The following ATP1A1 variants were observed in gnomAD, a reference collection of about 807,000 sequenced individuals.
ATP1A1 encodes sodium/potassium-transporting ATPase subunit alpha-1.
ATP1A1 carries 14 observed loss-of-function variants against 114.8 expected under a neutral mutation model. That is an observed-to-expected ratio of 0.12 (90% CI 0.08 to 0.19). The LOEUF (loss-of-function observed/expected upper bound fraction) is 0.19, where lower values mean the gene tolerates loss of function less well. Ranked by LOEUF, ATP1A1 falls within the 10% of genes least tolerant of loss-of-function variation. ATP1A1 has a pLI of 1.00. For missense variants in ATP1A1, 524 were observed against 1,290.7 expected (o/e 0.41, Z 9.10); for synonymous variants, 471 against 466.3 (o/e 1.01, Z -0.13).
intron 12 of ATP1A1, among the ~76,000 whole-genome samples, chr1:116,394,365 T>C (rs774790364): frequency 1.3e-5 from 2 of 152,218 alleles, no homozygotes; most frequent in Non-Finnish European, 2.9e-5. Flanking sequence ...CCTATTCTTC[T>C]TAACTTGGGT....
In ATP1A1 at chr1:116,399,498, A is replaced by T. The variant is rs1342249879; in HGVS notation, c.2527A>T (p.Lys843Ter). The change falls in exon 18 of 23, where the codon AAA becomes TAA. Residue 843 changes from lysine to a stop codon, truncating the protein, a stop_gained. Transcript: ENST00000295598. LOFTEE classifies it high-confidence loss of function. The surrounding 1 kb of genome is among the most constrained non-coding windows in gnomAD (Gnocchi z 5.0). ...KRQPRNPKTD[K>*]LVNERLISMA... ...ACAGCCCAGAAATCCCAAAACAGAC[A>T]AACTTGTGAATGAGCGGCTGATCAG... The T allele has an allele frequency of 6.2e-7, 1 of 1,614,132 alleles. No individual in the cohort carries two copies. The highest frequency in any genetic ancestry group is 1.7e-5 in the Admixed American group (1 of 60,010).
In ATP1A1 at chr1:116,389,821, A is replaced by G; in HGVS notation, c.1023+114A>G. The G allele has an allele frequency of 7.0e-7, 1 of 1,430,472 alleles. No individual in the cohort carries two copies. The highest frequency in any genetic ancestry group is 9.4e-7 in the Non-Finnish European group (1 of 1,067,452). 88.6% of individuals were successfully genotyped at this position (1,430,472 alleles called of 1,614,324 possible). ...TTATGTTTTATTCTGGATGTTTGATATAGTTCTTCTTGAGAGCCACATCAC... is the reference window on the plus strand; with the variant it reads ...TTATGTTTTATTCTGGATGTTTGATGTAGTTCTTCTTGAGAGCCACATCAC... On this transcript the variant is annotated intron_variant, in intron 8 of 22. Transcript: ENST00000295598. The surrounding 1 kb of genome is among the most constrained non-coding windows in gnomAD (Gnocchi z 6.9).
intron 1 of ATP1A1, among the ~76,000 whole-genome samples, chr1:116,378,135 T>A (rs567426505): frequency 2.2e-4 from 33 of 152,236 alleles, no homozygotes; most frequent in Non-Finnish European, 4.6e-4. Flanking sequence ...TCTTCATATT[T>A]ATTTTGTGTT....
At position 116,398,904 on chromosome 1, in the gene ATP1A1, A is replaced by G. The variant is rs759572400; in HGVS notation, c.2294-26A>G. Reference sequence around the variant, plus strand: ...TCCAGTGTGCTTGTCTCATAAGCTAACAGTAAAAAATCTTGGTTTTCATAG... The same window carrying G: ...TCCAGTGTGCTTGTCTCATAAGCTAGCAGTAAAAAATCTTGGTTTTCATAG... On this transcript the variant is annotated intron_variant, in intron 16 of 22. Transcript: ENST00000295598. The surrounding 1 kb of genome is among the most constrained non-coding windows in gnomAD (Gnocchi z 6.1). 6.2e-7 allele frequency: 1 copy of G among 1,613,800 alleles called. No individual in the cohort carries two copies. Among genetic ancestry groups the G allele is most frequent in the Admixed American group, 1.7e-5 (1 of 60,016 alleles).
In ATP1A1 at chr1:116,388,616, G is replaced by A. The variant is rs752927612; in HGVS notation, c.502-22G>A. ...TTCTCTTTGTTGGTATACTAACGGT[G>A]TAAATTGTTTCTTTTCCAAAGCAAG... On this transcript the variant is annotated intron_variant, in intron 5 of 22. Coordinates refer to ENST00000295598, the MANE Select transcript of ATP1A1 (RefSeq NM_000701.8). The surrounding 1 kb of genome is among the most constrained non-coding windows in gnomAD (Gnocchi z 5.6). 1.2e-5 allele frequency: 20 copies of A among 1,612,782 alleles called. No homozygotes were observed. The African/African-American group carries it at 1.7e-4, about 14-fold the overall frequency.
chr1:116,375,223 T>C (rs749962379), intron 1 of ATP1A1, among the ~76,000 whole-genome samples: 3 of 152,256 alleles, frequency 2.0e-5, no homozygotes, highest in Non-Finnish European at 2.9e-5. Flanking sequence ...AGTGACTTGC[T>C]CAAGGTCAAA....
chr1:116,391,258 G>A (rs563214574), intron 10 of ATP1A1, among the ~76,000 whole-genome samples: 2 of 152,224 alleles, frequency 1.3e-5, no homozygotes, highest in Non-Finnish European at 2.9e-5. Context: ...GCTGAGGGCT[G>A]CAGTGACTCC....
Position 116,384,834 on chromosome 1 carries a change from T to C in ATP1A1, c.175T>C (p.Leu59=). 1.2e-6 allele frequency: 2 copies of C among 1,613,764 alleles called. No individual in the cohort carries two copies. Among genetic ancestry groups the C allele is most frequent in the Non-Finnish European group, 1.7e-6 (2 of 1,179,812 alleles). The change falls in exon 3 of 23, where the codon TTG becomes CTG. Residue 59 remains leucine, a synonymous_variant. Transcript: ENST00000295598. This position sits in a 1 kb window ranked among gnomAD's most constrained non-coding sequence, Gnocchi z 5.1. ...ACTTCATCGTAAATATGGAACAGAC[T>C]TGAGCCGGGTATGTTCTAGTTTGAA... The part of the protein sequence containing the change: ...DELHRKYGTD[L]SRGLTSARAA...
At chr1:116,396,311 A>AT (rs1285031737) in intron 13 of ATP1A1, among the ~76,000 whole-genome samples, 1 of 130,040 alleles carries the variant, frequency 7.7e-6, no homozygotes, top group Non-Finnish European at 1.6e-5. Context: ...GGTTTTAGTA[A>AT]TTTTCAAGTA....
chr1:116,376,294 C>T (rs1370008909), intron 1 of ATP1A1, among the ~76,000 whole-genome samples: 1 of 152,188 alleles, frequency 6.6e-6, no homozygotes, highest in East Asian at 1.9e-4. Flanking sequence ...AGGGGGGATG[C>T]ACATGTCAGC....
Position 116,384,041 on chromosome 1 carries a change from G to A in ATP1A1, c.40G>A (p.Ala14Thr). ...GVGRDKYEPA[A>T]VSEQGDKKGK... The stretch of plus-strand genomic sequence containing the variant: ...TGGACGTGATAAGTATGAGCCTGCA[G>A]CTGTTTCAGAACAAGGTGATAAAAA... Residue 14 changes from alanine (A) to threonine (T), a missense_variant, in exon 2 of 23, where the codon GCT (alanine) becomes ACT (threonine). Physicochemically the swap from Ala to Thr is moderately conservative, Grantham distance 58 (BLOSUM62 0). This residue lies in a region of ATP1A1 where 33 missense variants were observed against 31.2 expected (regional missense o/e 1.06). Transcript: ENST00000295598. The surrounding 1 kb of genome is among the most constrained non-coding windows in gnomAD (Gnocchi z 5.1). 6.2e-7 allele frequency: 1 copy of A among 1,614,112 alleles called. No homozygotes were observed. The highest frequency in any genetic ancestry group is 8.5e-7 in the Non-Finnish European group (1 of 1,179,994).
At position 116,401,743 on chromosome 1, in the gene ATP1A1, C is replaced by T; in HGVS notation, c.2951+88C>T. 1 of 1,380,470 alleles carries T rather than the reference C, an allele frequency of 7.2e-7. No individual in the cohort carries two copies. The allele number at this position is 1,380,470 out of a possible 1,614,324, so 85.5% of individuals were successfully genotyped here. A position where few individuals can be genotyped will look rare whatever the true frequency, so the allele number is the denominator to read the frequency against. ...TACTTGTGGTAATAGTTGTTATTTT[C>T]AGAATTTTGAGTGGTATGTACAAAA... On this transcript the variant is annotated intron_variant, in intron 21 of 22. Transcript: ENST00000295598. This position sits in a 1 kb window ranked among gnomAD's most constrained non-coding sequence, Gnocchi z 4.7.
At chr1:116,380,065 T>G (rs1651641533) in intron 1 of ATP1A1, among the ~76,000 whole-genome samples, 1 of 152,222 alleles carries the variant, frequency 6.6e-6, no homozygotes, top group African/African-American at 2.4e-5. Flanking sequence ...TAGTCCAGTT[T>G]TTAAGGTGTT....
rs1193635431 is a variant in ATP1A1, at chr1:116,385,422, C to G, written c.183+580C>G. On this transcript the variant is annotated intron_variant, in intron 3 of 22. Transcript: ENST00000295598. The surrounding 1 kb of genome is among the most constrained non-coding windows in gnomAD (Gnocchi z 4.3). ...AACAAATGTTATAAAAGTAAATAGT[C>G]TAGGGATGTCTTATTTCCAGATAAT... is the stretch of plus-strand genomic sequence containing the variant. 6.5e-6 allele frequency: 1 copy of G among 153,610 alleles called. No individual in the cohort carries two copies. Among genetic ancestry groups the G allele is most frequent in the Non-Finnish European group, 1.4e-5 (1 of 69,194 alleles). The allele number at this position is 153,610 out of a possible 1,614,324, so 9.5% of individuals were successfully genotyped here. A position where few individuals can be genotyped will look rare whatever the true frequency, so the allele number is the denominator to read the frequency against.
rs1570987458 is a variant in ATP1A1, at chr1:116,404,448, C to T, written c.*4C>T. The T allele has an allele frequency of 6.2e-7, 1 of 1,611,670 alleles. No homozygotes were observed. Among genetic ancestry groups the T allele is most frequent in the Non-Finnish European group, 8.5e-7 (1 of 1,179,262 alleles). On this transcript the variant is annotated 3_prime_UTR_variant, in exon 23 of 23. Transcript: ENST00000295598. The surrounding 1 kb of genome is among the most constrained non-coding windows in gnomAD (Gnocchi z 4.8). ...GGAGAAGGAAACCTACTATTAGCCCCCCGTCCTGCACGCCGTGGAGCATCA... is the reference window on the plus strand; with the variant it reads ...GGAGAAGGAAACCTACTATTAGCCCTCCGTCCTGCACGCCGTGGAGCATCA...
Position 116,388,400 on chromosome 1 carries a change from T to C in ATP1A1, c.501+156T>C, listed in dbSNP as rs1356397220. 1 of 951,494 alleles carries C rather than the reference T, an allele frequency of 1.1e-6. No individual in the cohort carries two copies. The highest frequency in any genetic ancestry group is 1.6e-6 in the Non-Finnish European group (1 of 641,636). 58.9% of individuals were successfully genotyped at this position (951,494 alleles called of 1,614,324 possible). A position where few individuals can be genotyped will look rare whatever the true frequency, so the allele number is the denominator to read the frequency against. ...ACCCAAAACCAACCTATTTTCCTTC[T>C]ATCCAAAAAGTGGTAGCCTTTCTTT... On this transcript the variant is annotated intron_variant, in intron 5 of 22. Coordinates refer to ENST00000295598, the MANE Select transcript of ATP1A1 (RefSeq NM_000701.8). This position sits in a 1 kb window ranked among gnomAD's most constrained non-coding sequence, Gnocchi z 5.6.
intron 1 of ATP1A1, among the ~76,000 whole-genome samples, chr1:116,382,125 A>G (rs1363167995): frequency 6.6e-6 from 1 of 152,182 alleles, no homozygotes; most frequent in Non-Finnish European, 1.5e-5. Context: ...GTGAGCTTAG[A>G]TTGCGCCACT....
At chr1:116,373,589 G>C in intron 1 of ATP1A1, 66 bp downstream of exon 1, 1 of 1,346,732 alleles carries the variant, frequency 7.4e-7, no homozygotes, top group Non-Finnish European at 9.6e-7. Context: ...AGGAAGTCGG[G>C]AGGGCGACCG....
Position 116,393,321 on chromosome 1 carries a change from C to G in ATP1A1, c.1468-210C>G, listed in dbSNP as rs1652623707. On this transcript the variant is annotated intron_variant, in intron 11 of 22. Transcript: ENST00000295598. This position sits in a 1 kb window ranked among gnomAD's most constrained non-coding sequence, Gnocchi z 5.0. ...GTTCTTTTTTAATGTGAACAAATGT[C>G]AGGAATTTATGAATATATCATAGTG... Among the ~76,000 whole-genome samples, 1 of 150,522 alleles carries G rather than the reference C, an allele frequency of 6.6e-6. No homozygotes were observed. Among genetic ancestry groups the G allele is most frequent in the South Asian group, 2.1e-4 (1 of 4,784 alleles).
Sources: gnomAD v4.1 joint callset for allele counts (sites outside exome capture counted in the v4.1 genomes callset) on GRCh38, gnomAD v4.1.1 for gene constraint, gnomAD v4.1.1 regional missense constraint, Gnocchi (gnomAD v3.1) non-coding constraint, MANE v1.5 for transcripts, NCBI Gene and HGNC (gene_info 2026-07-23, HGNC 2026-07-21) for gene names.